The following SMYD3 variants were observed in gnomAD, a reference collection of about 807,000 sequenced individuals.
The protein encoded by SMYD3 is SET and MYND domain containing 3, also known as histone-lysine N-methyltransferase SMYD3.
In SMYD3, 36 loss-of-function variants were observed where a neutral mutation model predicts 57.7. The ratio of observed to expected loss-of-function variants is 0.62; its 90% confidence interval spans 0.48 to 0.82. The LOEUF (loss-of-function observed/expected upper bound fraction) is 0.82. SMYD3 is among the 40% of genes least tolerant of loss of function. SMYD3 has a pLI of 0.00. For synonymous variants in SMYD3, 211 were observed against 195.0 expected, an observed-to-expected ratio of 1.08 and a Z score of -0.68; for missense variants, 515 against 538.8, an observed-to-expected ratio of 0.96 and a Z score of 0.44.
Position 246,199,308 on chromosome 1 carries a change from G to T in SMYD3, c.531+127893C>A, listed in dbSNP as rs564545316. Among the ~76,000 whole-genome samples the T allele has an allele frequency of 3.6e-4, 55 of 152,280 alleles. 1 individual carries two copies. The highest frequency in any genetic ancestry group is 1.3e-3 in the African/African-American group (55 of 41,550). Reference sequence around the variant, plus strand: ...GTGCCCTCTGTGAAGTCACTGAGCTGAGCACACCCCAGGGACAGGGAACCT... The same window carrying T: ...GTGCCCTCTGTGAAGTCACTGAGCTTAGCACACCCCAGGGACAGGGAACCT... On this transcript the variant is annotated intron_variant, in intron 5 of 11. Coordinates refer to ENST00000490107, the MANE Select transcript of SMYD3 (RefSeq NM_001167740.2).
chr1:246,425,357 C>T (rs985355891), intron 1 of SMYD3, among the ~76,000 whole-genome samples: 1 of 152,190 alleles, frequency 6.6e-6, no homozygotes, highest in Admixed American at 6.5e-5. Flanking sequence ...AGAGTACATC[C>T]ATCTCCTCAG....
At chr1:246,369,226 T>C (rs2148727654) in intron 1 of SMYD3, among the ~76,000 whole-genome samples, 1 of 152,342 alleles carries the variant, frequency 6.6e-6, no homozygotes, top group South Asian at 2.1e-4. Context: ...GATTTTTAAA[T>C]TGCAAACTTT....
chr1:246,441,651 G>A (rs6702727), intron 1 of SMYD3, among the ~76,000 whole-genome samples: 107,544 of 152,032 alleles, frequency 0.71, 39,990 homozygotes, highest in Non-Finnish European at 0.82. Flanking sequence ...TCACTCTGTC[G>A]TCCAGCCTGG....
At chr1:246,057,093 G>A (rs182800229) in intron 5 of SMYD3, among the ~76,000 whole-genome samples, 6 of 152,136 alleles carry the variant, frequency 3.9e-5, no homozygotes, top group Non-Finnish European at 8.8e-5. Context: ...CCAAGTTCAA[G>A]TCCATCCTCG....
chr1:245,927,875 C>T, intron 7 of SMYD3, 56 bp downstream of exon 7: 2 of 1,421,876 alleles, frequency 1.4e-6, no homozygotes, highest in Non-Finnish European at 2.0e-6. Flanking sequence ...ACGGGCCGAG[C>T]TGAGAGGGTC....
At chr1:246,136,035 C>T (rs897793473) in intron 5 of SMYD3, among the ~76,000 whole-genome samples, 18 of 152,192 alleles carry the variant, frequency 1.2e-4, no homozygotes, top group African/African-American at 4.1e-4. Context: ...CTGATAACTT[C>T]TCACTGTTAG....
At chr1:245,870,716 A>T (rs1558442294) in intron 8 of SMYD3, among the ~76,000 whole-genome samples, 1 of 152,242 alleles carries the variant, frequency 6.6e-6, no homozygotes. Context: ...TTTACCTGCC[A>T]GATACCAGTA....
intron 10 of SMYD3, among the ~76,000 whole-genome samples, chr1:245,807,601 C>T (rs1488944649): frequency 6.6e-6 from 1 of 152,246 alleles, no homozygotes; most frequent in African/African-American, 2.4e-5. Flanking sequence ...CACTCGAAAA[C>T]GGCCTTGCAT....
rs1229656236 is a variant in SMYD3, at chr1:246,202,687, C to T, written c.531+124514G>A. On this transcript the variant is annotated intron_variant, in intron 5 of 11. Coordinates refer to ENST00000490107, the MANE Select transcript of SMYD3 (RefSeq NM_001167740.2). This position sits in a 1 kb window ranked among gnomAD's most constrained non-coding sequence, Gnocchi z 4.1. ...GACTTCCTGGTATCACGCTAGCTAA[C>T]AAAATATACTCCAAATCCTTTTCCA... Among the ~76,000 whole-genome samples the T allele has an allele frequency of 6.6e-6, 1 of 152,210 alleles. No homozygotes were observed. The highest frequency in any genetic ancestry group is 1.5e-5 in the Non-Finnish European group (1 of 68,038).
At position 246,075,941 on chromosome 1, in the gene SMYD3, GA is replaced by G. The variant is rs34386298; in HGVS notation, c.532-146005del. ...AAAAGAACACAGAGACATATAGCAA[GA>G]AAAAAAAAAAAAAAAGCTCAGCCAA... On this transcript the variant is annotated intron_variant, in intron 5 of 11. Transcript: ENST00000490107. Among the ~76,000 whole-genome samples, 544 of 92,932 alleles carry G rather than the reference GA, an allele frequency of 5.9e-3. 4 individuals are homozygous for G. The highest frequency in any genetic ancestry group is 0.012 in the African/African-American group (327 of 27,896). 61.0% of individuals were successfully genotyped at this position (92,932 alleles called of 152,430 possible).
chr1:246,230,529 CCA>C (rs2063394661), intron 5 of SMYD3, among the ~76,000 whole-genome samples: 1 of 152,180 alleles, frequency 6.6e-6, no homozygotes, highest in African/African-American at 2.4e-5. Context: ...GTCCAAGGTA[CCA>C]CACAGGCTAG....
At chr1:245,986,960 T>C (rs1410401206) in intron 5 of SMYD3, among the ~76,000 whole-genome samples, 1 of 152,232 alleles carries the variant, frequency 6.6e-6, no homozygotes, top group East Asian at 1.9e-4. Flanking sequence ...TAAATGTCAA[T>C]GTACATGTTG....
intron 5 of SMYD3, among the ~76,000 whole-genome samples, chr1:246,102,148 TC>T (rs956448336): frequency 6.6e-6 from 1 of 152,314 alleles, no homozygotes; most frequent in African/African-American, 2.4e-5. Flanking sequence ...TAGCAATGCT[TC>T]CACTATGTAC....
At chr1:245,762,558 C>G (rs935540784) in intron 11 of SMYD3, among the ~76,000 whole-genome samples, 12 of 152,250 alleles carry the variant, frequency 7.9e-5, no homozygotes, top group Admixed American at 2.0e-4. Context: ...ACAGACGGTG[C>G]GGTGTTCTTC....
chr1:246,344,122 A>G (rs1215567503), intron 2 of SMYD3, among the ~76,000 whole-genome samples: 6 of 152,046 alleles, frequency 3.9e-5, no homozygotes, highest in African/African-American at 1.4e-4. Context: ...AGTTCAAACA[A>G]TCCTCCCACC....
chr1:246,235,768 G>T (rs1158465506), intron 5 of SMYD3, among the ~76,000 whole-genome samples: 1 of 152,056 alleles, frequency 6.6e-6, no homozygotes, highest in Admixed American at 6.6e-5. Context: ...TTTTCAAGGG[G>T]TTCACTGACC....
chr1:246,027,524 T>C (rs1314866048), intron 5 of SMYD3, among the ~76,000 whole-genome samples: 1 of 152,218 alleles, frequency 6.6e-6, no homozygotes, highest in Admixed American at 6.5e-5. Flanking sequence ...GGTAAATCTG[T>C]ACTGCCCATG....
chr1:246,202,785 C>T lies in SMYD3; in HGVS notation c.531+124416G>A, dbSNP rs1223395864. On this transcript the variant is annotated intron_variant, in intron 5 of 11. Coordinates refer to ENST00000490107, the MANE Select transcript of SMYD3 (RefSeq NM_001167740.2). This position sits in a 1 kb window ranked among gnomAD's most constrained non-coding sequence, Gnocchi z 4.1. Reference sequence around the variant, plus strand: ...GGCTAGTGAGAGAATATGGTGATACCACAGTAACAAATCCAACCCAATCAC... The same window carrying T: ...GGCTAGTGAGAGAATATGGTGATACTACAGTAACAAATCCAACCCAATCAC... 1.3e-5 allele frequency among the ~76,000 whole-genome samples: 2 copies of T among 152,082 alleles called. No homozygotes were observed.
chr1:246,471,123 G>A (rs1290297279), intron 1 of SMYD3, among the ~76,000 whole-genome samples: 1 of 152,104 alleles, frequency 6.6e-6, no homozygotes, highest in Non-Finnish European at 1.5e-5. Context: ...CAACTTTTCT[G>A]TAATTTTAAA....
Sources: allele counts gnomAD v4.1 joint callset (sites outside exome capture counted in the v4.1 genomes callset), GRCh38; gene constraint gnomAD v4.1.1; non-coding constraint Gnocchi (gnomAD v3.1); transcripts MANE v1.5; gene names NCBI Gene and HGNC (gene_info 2026-07-23, HGNC 2026-07-21).